NCOA3: variants seen among roughly 807,000 people sequenced by gnomAD.
The protein encoded by NCOA3 is CBP-interacting protein.
A neutral mutation model predicts 158.8 loss-of-function variants in NCOA3; 51 were observed. The ratio of observed to expected loss-of-function variants is 0.32; its 90% CI spans 0.26 to 0.41. NCOA3 has a LOEUF of 0.41. Among genes scored for constraint, NCOA3 ranks in the 10% least tolerant of loss-of-function variants. The probability of loss-of-function intolerance (pLI) is 1.00; values close to 1 mark genes in which losing one functional copy is unlikely to be tolerated. For missense variants in NCOA3, 1,510 were observed against 1,746.6 expected (o/e 0.86, Z 2.41); for synonymous variants, 537 against 592.4 (o/e 0.91, Z 1.36).
At chr20:47,507,600 C>T (rs2084049413) in intron 1 of NCOA3, among the ~76,000 whole-genome samples, 1 of 144,480 alleles carries the variant, frequency 6.9e-6, no homozygotes. Context: ...CTTAGAGCAC[C>T]CAACAACTTT....
intron 1 of NCOA3, among the ~76,000 whole-genome samples, chr20:47,565,124 G>C (rs1237386909): frequency 1.3e-5 from 2 of 152,148 alleles, no homozygotes; most frequent in East Asian, 3.9e-4. Flanking sequence ...TGGGATTACA[G>C]GCATGTGCCA....
At chr20:47,634,232 C>T (rs1158346416) in intron 10 of NCOA3, 37 bp downstream of exon 10, 1 of 1,565,028 alleles carries the variant, frequency 6.4e-7, no homozygotes, top group Non-Finnish European at 8.7e-7. Flanking sequence ...ATACAAAATG[C>T]AGCAGTGTTC....
chr20:47,622,199 C>A, intron 2 of NCOA3, 30 bp from the exon 3 acceptor site: 1 of 1,217,182 alleles, frequency 8.2e-7, no homozygotes, highest in Non-Finnish European at 1.2e-6. Flanking sequence ...TTTTAATGTA[C>A]TTATCTTATT....
chr20:47,539,403 A>G (rs1428112674), intron 1 of NCOA3, among the ~76,000 whole-genome samples: 1 of 152,190 alleles, frequency 6.6e-6, no homozygotes, highest in Non-Finnish European at 1.5e-5. Flanking sequence ...ACTGGGAGGT[A>G]TCTGTTTTGT....
At chr20:47,503,518 G>A (rs2083977782) in intron 1 of NCOA3, among the ~76,000 whole-genome samples, 1 of 152,080 alleles carries the variant, frequency 6.6e-6, no homozygotes, top group African/African-American at 2.4e-5. Context: ...TTGGTCTTTG[G>A]AATAATTATT....
intron 14 of NCOA3, 46 bp from the exon 15 acceptor site, chr20:47,639,531 T>C: frequency 1.2e-6 from 2 of 1,603,854 alleles, no homozygotes; most frequent in Non-Finnish European, 1.7e-6. Flanking sequence ...ATAAGAAGGA[T>C]TTCATTATAA....
intron 1 of NCOA3, among the ~76,000 whole-genome samples, chr20:47,563,762 G>T (rs575322264): frequency 6.6e-6 from 1 of 151,690 alleles, no homozygotes; most frequent in Non-Finnish European, 1.5e-5. Flanking sequence ...GGTGGCAGGC[G>T]CCTGTAGACC....
rs867229789 is a variant in NCOA3 at position 47,653,357 on chromosome 20, G to A, written c.4264-49G>A. 3.9e-6 allele frequency: 6 copies of A among 1,543,926 alleles called. No homozygotes were observed. The African/African-American group carries it at 5.6e-5, about 14-fold the overall frequency. On this transcript the variant is annotated intron_variant, in intron 22 of 22. Coordinates refer to ENST00000371998, the MANE Select transcript of NCOA3 (RefSeq NM_181659.3). Reference sequence around the variant, plus strand: ...GGTATTTTTTTGTTGTGCAAAGCATGTGTTTTACTCATTTTTTTTTTTTTT... The same window carrying A: ...GGTATTTTTTTGTTGTGCAAAGCATATGTTTTACTCATTTTTTTTTTTTTT...
chr20:47,580,006 C>A (rs1244507500), intron 1 of NCOA3, among the ~76,000 whole-genome samples: 1 of 152,150 alleles, frequency 6.6e-6, no homozygotes, highest in South Asian at 2.1e-4. Flanking sequence ...TTCGCTGTTC[C>A]TCAGTTTGAT....
intron 1 of NCOA3, among the ~76,000 whole-genome samples, chr20:47,553,135 A>G (rs548162454): frequency 2.9e-4 from 44 of 152,026 alleles, no homozygotes; most frequent in Non-Finnish European, 5.9e-4. Flanking sequence ...GGGTTTCGCC[A>G]TGTTGCTCAG....
intron 1 of NCOA3, among the ~76,000 whole-genome samples, chr20:47,506,724 A>C (rs368857526): frequency 1.2e-4 from 18 of 152,006 alleles, no homozygotes; most frequent in African/African-American, 4.1e-4. Flanking sequence ...ACTAGTGTCT[A>C]TTTTGTTTGG....
chr20:47,632,608 G>A (rs1248242544), intron 8 of NCOA3, among the ~76,000 whole-genome samples: 1 of 151,504 alleles, frequency 6.6e-6, no homozygotes, highest in Non-Finnish European at 1.5e-5. Context: ...GGCTGGTCTC[G>A]AACTCTTGAC....
At chr20:47,505,003 G>GTGTTTTTTT (rs2084004453) in intron 1 of NCOA3, among the ~76,000 whole-genome samples, 1 of 28,550 alleles carries the variant, frequency 3.5e-5, no homozygotes, top group Non-Finnish European at 5.4e-5. Context: ...TGGGTTTTTG[G>GTGTTTTTTT]TTTTTTTTTT....
At chr20:47,529,924 A>G (rs2084518752) in intron 1 of NCOA3, among the ~76,000 whole-genome samples, 1 of 152,252 alleles carries the variant, frequency 6.6e-6, no homozygotes, top group South Asian at 2.1e-4. Flanking sequence ...AGAAAGAAAT[A>G]TGAAGAAGAA....
chr20:47,553,763 G>T (rs948441125), intron 1 of NCOA3, among the ~76,000 whole-genome samples: 1 of 152,092 alleles, frequency 6.6e-6, no homozygotes, highest in South Asian at 2.1e-4. Context: ...ATTCCATGGT[G>T]TATATGTGCC....
At chr20:47,551,212 A>G (rs1163922284) in intron 1 of NCOA3, among the ~76,000 whole-genome samples, 1 of 152,194 alleles carries the variant, frequency 6.6e-6, no homozygotes, top group Non-Finnish European at 1.5e-5. Flanking sequence ...ATATCTTGGA[A>G]GTGACTACTT....
intron 8 of NCOA3, among the ~76,000 whole-genome samples, chr20:47,629,076 A>G (rs1473997560): frequency 6.6e-6 from 1 of 152,202 alleles, no homozygotes; most frequent in Admixed American, 6.5e-5. Flanking sequence ...AACAAGTGAT[A>G]TAAAAATGGA....
At chr20:47,628,190 A>G (rs959192041) in intron 8 of NCOA3, among the ~76,000 whole-genome samples, 167 bp downstream of exon 8, 3 of 152,100 alleles carry the variant, frequency 2.0e-5, no homozygotes, top group Non-Finnish European at 2.9e-5. Context: ...TGCAACCTTA[A>G]AAGAATTTCA....
At chr20:47,633,697 A>C in intron 9 of NCOA3, 61 bp downstream of exon 9, 4 of 1,551,142 alleles carry the variant, frequency 2.6e-6, no homozygotes, top group Non-Finnish European at 3.5e-6. Flanking sequence ...GGGCCTTGCT[A>C]TCTTGCCCAG....
Sources: allele counts gnomAD v4.1 joint callset (sites outside exome capture counted in the v4.1 genomes callset), GRCh38; gene constraint gnomAD v4.1.1; transcripts MANE v1.5; gene names NCBI Gene and HGNC (gene_info 2026-07-23, HGNC 2026-07-21).